SPIDR: variants seen among roughly 807,000 people sequenced by gnomAD.
SPIDR encodes the protein DNA repair-scaffolding protein.
Under a neutral mutation model 104.6 loss-of-function variants are expected in SPIDR, and 93 were observed. That is an observed-to-expected ratio of 0.89 (90% confidence interval 0.75 to 1.06). The LOEUF is 1.06. Ranked by LOEUF, SPIDR falls within the 50% of genes least tolerant of loss-of-function variation. The pLI, the probability that SPIDR is intolerant of heterozygous loss-of-function variation, is 0.00. For missense variants in SPIDR, 1,154 were observed against 1,111.2 expected (o/e 1.04, Z -0.55); for synonymous variants, 431 against 416.9 (o/e 1.03, Z -0.41).
chr8:47,414,821 T>C (rs2064005881), intron 7 of SPIDR, among the ~76,000 whole-genome samples: 1 of 152,248 alleles, frequency 6.6e-6, no homozygotes, highest in African/African-American at 2.4e-5. Flanking sequence ...CATATGTTTT[T>C]ATTTTTCTGG....
rs1491441369 is a variant in SPIDR, at chr8:47,702,097, T to TC, written c.1977+82_1977+83insC. ...CTCTCTCTCTCTCTCTCTCTCTCTC[T>TC]TACACACACACACACACACACACAC... On this transcript the variant is annotated intron_variant, in intron 14 of 19. Transcript: ENST00000297423. 299 of 63,140 alleles carry TC rather than the reference T, an allele frequency of 4.7e-3. 22 individuals carry two copies. The highest frequency in any genetic ancestry group is 0.017 in the African/African-American group (234 of 13,870). The allele number at this position is 63,140 out of a possible 1,614,324, so 3.9% of individuals were successfully genotyped here.
chr8:47,506,187 G>A (rs1472527940), intron 8 of SPIDR, among the ~76,000 whole-genome samples: 1 of 152,144 alleles, frequency 6.6e-6, no homozygotes, highest in East Asian at 1.9e-4. Flanking sequence ...CTACCCACCT[G>A]GAAGTAACAC....
chr8:47,409,059 G>A (rs1554669388), intron 7 of SPIDR, among the ~76,000 whole-genome samples: 1 of 152,102 alleles, frequency 6.6e-6, no homozygotes, highest in African/African-American at 2.4e-5. Context: ...GGTGGTGCAC[G>A]CCTGTAGTCC....
chr8:47,577,147 A>T (rs981513548), intron 8 of SPIDR, among the ~76,000 whole-genome samples: 4 of 152,216 alleles, frequency 2.6e-5, no homozygotes, highest in Non-Finnish European at 5.9e-5. Context: ...GGGCCTAGAG[A>T]CTTAAGTTAT....
At chr8:47,427,333 CA>C (rs1252925035) in intron 7 of SPIDR, among the ~76,000 whole-genome samples, 1 of 147,440 alleles carries the variant, frequency 6.8e-6, no homozygotes, top group Non-Finnish European at 1.5e-5. Flanking sequence ...ATGCCTTTTA[CA>C]AAAAAAGAAA....
At chr8:47,411,550 A>T (rs567252005) in intron 7 of SPIDR, among the ~76,000 whole-genome samples, 1 of 152,152 alleles carries the variant, frequency 6.6e-6, no homozygotes, top group Admixed American at 6.5e-5. Flanking sequence ...TAGATTCTGG[A>T]TATTAGCTTT....
intron 8 of SPIDR, among the ~76,000 whole-genome samples, chr8:47,567,344 C>G (rs1441378312): frequency 1.3e-5 from 2 of 151,890 alleles, no homozygotes; most frequent in Non-Finnish European, 2.9e-5. Flanking sequence ...CTCAGCCTCC[C>G]GAGTAGCTGG....
intron 8 of SPIDR, among the ~76,000 whole-genome samples, chr8:47,550,504 A>G (rs1048527264): frequency 2.6e-5 from 4 of 152,068 alleles, no homozygotes; most frequent in African/African-American, 7.2e-5. Flanking sequence ...TTGGATTCCT[A>G]GGTTTTTTAT....
At chr8:47,732,343 G>C (rs890015709) in intron 19 of SPIDR, 12 of 636,174 alleles carry the variant, frequency 1.9e-5, no homozygotes, top group Middle Eastern at 2.5e-4. Context: ...CTTTGCCCAT[G>C]CCCGTGTGCA....
chr8:47,382,176 A>T (rs1388899777), intron 5 of SPIDR, among the ~76,000 whole-genome samples: 1 of 152,118 alleles, frequency 6.6e-6, no homozygotes, highest in Non-Finnish European at 1.5e-5. Context: ...ACAGGTTTTC[A>T]TCTAGGAGGA....
chr8:47,628,012 ACATGAACTCACTCATTCTGT>A (rs1410692220), intron 10 of SPIDR, among the ~76,000 whole-genome samples: 1 of 152,248 alleles, frequency 6.6e-6, no homozygotes, highest in Non-Finnish European at 1.5e-5. Flanking sequence ...GACTGTGTTT[ACATGAACTCACTCATTCTGT>A]CATGGGATGT....
At chr8:47,480,662 G>A (rs1798692753) in intron 8 of SPIDR, among the ~76,000 whole-genome samples, 1 of 152,210 alleles carries the variant, frequency 6.6e-6, no homozygotes, top group South Asian at 2.1e-4. Context: ...CGCACAGCCT[G>A]TGTGCTCCCA....
chr8:47,713,434 G>A, intron 15 of SPIDR, 55 bp from the exon 16 acceptor site: 22 of 1,610,370 alleles, frequency 1.4e-5, no homozygotes, highest in Non-Finnish European at 1.8e-5. Flanking sequence ...GCCATTATGG[G>A]CACAATTCAC....
At chr8:47,538,171 T>A (rs1253255940) in intron 8 of SPIDR, among the ~76,000 whole-genome samples, 1 of 151,814 alleles carries the variant, frequency 6.6e-6, no homozygotes, top group African/African-American at 2.4e-5. Flanking sequence ...CTAGACTCCG[T>A]CTCAAAATAA....
At chr8:47,541,648 A>G (rs767471515) in intron 8 of SPIDR, among the ~76,000 whole-genome samples, 1 of 152,146 alleles carries the variant, frequency 6.6e-6, no homozygotes, top group African/African-American at 2.4e-5. Flanking sequence ...TGGAATCCCA[A>G]CACTTTGGGA....
At chr8:47,611,684 C>T (rs966187756) in intron 10 of SPIDR, among the ~76,000 whole-genome samples, 8 of 151,242 alleles carry the variant, frequency 5.3e-5, no homozygotes, top group Admixed American at 1.3e-4. Context: ...GGCAACAGAG[C>T]GAGACTCCAT....
intron 10 of SPIDR, among the ~76,000 whole-genome samples, chr8:47,651,772 TA>T (rs896259011): frequency 4.6e-5 from 7 of 151,804 alleles, no homozygotes; most frequent in African/African-American, 7.3e-5. Flanking sequence ...TTCTCAGCCA[TA>T]AAAAAAAGAA....
At chr8:47,388,603 A>G (rs1554649670) in intron 5 of SPIDR, 1 of 153,776 alleles carries the variant, frequency 6.5e-6, no homozygotes, top group Admixed American at 6.5e-5. Context: ...GAGGAAAAAA[A>G]TCTGATTGGC....
intron 5 of SPIDR, among the ~76,000 whole-genome samples, chr8:47,365,076 T>C (rs1024984191): frequency 6.6e-6 from 1 of 152,232 alleles, no homozygotes; most frequent in South Asian, 2.1e-4. Flanking sequence ...ATGGCTTGTT[T>C]CCTTCTGCCA....
Sources: gnomAD v4.1 joint callset for allele counts (sites outside exome capture counted in the v4.1 genomes callset) on GRCh38, gnomAD v4.1.1 for gene constraint, MANE v1.5 for transcripts, NCBI Gene and HGNC (gene_info 2026-07-23, HGNC 2026-07-21) for gene names.